The following ZNF215 variants were observed in gnomAD, a reference collection of about 807,000 sequenced individuals.
ZNF215 encodes the protein BWSCR2-associated zinc finger protein 2.
In ZNF215, 24 loss-of-function variants were observed where a neutral mutation model predicts 27.2. The observed-to-expected ratio is 0.88, with a 90% CI of 0.64 to 1.24. The LOEUF (loss-of-function observed/expected upper bound fraction) is 1.24. Ranked by LOEUF, ZNF215 falls within the 50% of genes most tolerant of loss-of-function variation. The probability of loss-of-function intolerance (pLI) is 0.00; values close to 1 mark genes in which losing one functional copy is unlikely to be tolerated. For synonymous variants in ZNF215, 210 were observed against 204.0 expected (o/e 1.03, Z -0.25); for missense variants, 675 against 605.7 (o/e 1.11, Z -1.20).
In ZNF215 at chr11:6,956,555, C is replaced by A; in HGVS notation, c.*24C>A. 1 of 1,534,866 alleles carries A rather than the reference C, an allele frequency of 6.5e-7. No individual in the cohort carries two copies. Among genetic ancestry groups the A allele is most frequent in the South Asian group, 1.3e-5 (1 of 76,774 alleles). Reference sequence around the variant, plus strand: ...GAAAAAAGAAAAAATGAAAGATTACCTTCAGTCAGAATGCAGAACTCATTT... The same window carrying A: ...GAAAAAAGAAAAAATGAAAGATTACATTCAGTCAGAATGCAGAACTCATTT... On this transcript the variant is annotated 3_prime_UTR_variant, in exon 7 of 7. Transcript: ENST00000278319.
chr11:6,990,300 T>C (rs2515950), downstream of ZNF215, among the ~76,000 whole-genome samples: 86,424 of 152,002 alleles, frequency 0.57, 24,890 homozygotes, highest in East Asian at 0.69. Context: ...GCCTTAACAA[T>C]GGTGAAGGGA....
At chr11:6,952,228 G>T (rs1482198785) in intron 6 of ZNF215, among the ~76,000 whole-genome samples, 1 of 152,284 alleles carries the variant, frequency 6.6e-6, no homozygotes, top group Non-Finnish European at 1.5e-5. Flanking sequence ...GGGCTGGAGA[G>T]TTCTGTAGAT....
chr11:6,960,437 A>C (rs2857899), downstream of ZNF215, among the ~76,000 whole-genome samples: 36,203 of 152,086 alleles, frequency 0.24, 4,667 homozygotes, highest in African/African-American at 0.33. Context: ...GGAAGAAAGG[A>C]GCTCCATAAC....
chr11:6,957,206 G>C lies in ZNF215; in HGVS notation c.*675G>C, dbSNP rs1850394738. 1 of 982,294 alleles carries C rather than the reference G, an allele frequency of 1.0e-6. No homozygotes were observed. The highest frequency in any genetic ancestry group is 1.7e-5 in the African/African-American group (1 of 57,160). 60.8% of individuals were successfully genotyped at this position (982,294 alleles called of 1,614,324 possible). On this transcript the variant is annotated 3_prime_UTR_variant, in exon 7 of 7. Transcript: ENST00000278319. ...GGTCCTTGAAAAATGTTTTTGTTTT[G>C]TTATAATGTTATAATTGTTATGATG...
chr11:6,949,960 G>C (rs1023096029), intron 6 of ZNF215, among the ~76,000 whole-genome samples: 8 of 152,178 alleles, frequency 5.3e-5, no homozygotes, highest in African/African-American at 1.9e-4. Context: ...TGGCTAGCCA[G>C]ATTTCCCAGC....
chr11:6,954,224 G>C (rs567027567), intron 6 of ZNF215, among the ~76,000 whole-genome samples: 3 of 152,212 alleles, frequency 2.0e-5, no homozygotes, highest in Non-Finnish European at 2.9e-5. Context: ...CCCGTTCTCA[G>C]ATCTCCAGCT....
intron 2 of ZNF215, among the ~76,000 whole-genome samples, chr11:6,928,287 ATAC>A (rs1419553747): frequency 6.6e-5 from 10 of 152,208 alleles, no homozygotes; most frequent in Admixed American, 6.5e-4. Flanking sequence ...TATATCCACT[ATAC>A]TATTACTTTT....
chr11:6,976,464 T>C (rs1002035387), intron 5 of ZNF215, among the ~76,000 whole-genome samples: 3 of 152,024 alleles, frequency 2.0e-5, no homozygotes, highest in African/African-American at 7.2e-5. Context: ...AGCGCCTACA[T>C]TGAGTCCAGA....
At position 6,957,281 on chromosome 11, in the gene ZNF215, C is replaced by A; in HGVS notation, c.*750C>A. On this transcript the variant is annotated 3_prime_UTR_variant, in exon 7 of 7. Transcript: ENST00000278319. The stretch of plus-strand genomic sequence containing the variant: ...AGCCAGGGACACTGTGTGGAGTTCG[C>A]ACACTCTCCCTATGTCTCCGGGTGC... 1.4e-6 allele frequency: 1 copy of A among 718,752 alleles called. No individual in the cohort carries two copies. The highest frequency in any genetic ancestry group is 1.7e-6 in the Non-Finnish European group (1 of 586,640). 44.5% of individuals were successfully genotyped at this position (718,752 alleles called of 1,614,324 possible).
chr11:6,952,823 G>C (rs7117654), intron 6 of ZNF215, among the ~76,000 whole-genome samples: 149,974 of 152,000 alleles, frequency 0.99, 74,012 homozygotes, highest in Middle Eastern at 1. Flanking sequence ...CAGTTTCTTC[G>C]TAGCCTCGAT....
downstream of ZNF215, chr11:6,958,100 C>T: frequency 1.0e-6 from 1 of 972,060 alleles, no homozygotes; most frequent in Non-Finnish European, 1.2e-6. Context: ...CAAAGCCCTA[C>T]ATAAGTAATT....
In ZNF215 at chr11:6,958,021, C is replaced by T. The variant is rs899332863; in HGVS notation, c.*1490C>T. On this transcript the variant is annotated 3_prime_UTR_variant, in exon 7 of 7. Transcript: ENST00000278319. The stretch of plus-strand genomic sequence containing the variant: ...CAGAAAAGGTATACTGGAGTGAACT[C>T]CTATGATTAAATAATGTCAAAATCT... 8 of 985,216 alleles carry T rather than the reference C, an allele frequency of 8.1e-6. No homozygotes were observed. Among genetic ancestry groups the T allele is most frequent in the Non-Finnish European group, 9.6e-6 (8 of 829,910 alleles). The allele number at this position is 985,216 out of a possible 1,614,324, so 61.0% of individuals were successfully genotyped here.
At chr11:6,989,150 CAAAAAAAAAAA>C (rs71056776), downstream of ZNF215, among the ~76,000 whole-genome samples, 3 of 76,784 alleles carry the variant, frequency 3.9e-5, no homozygotes, top group Admixed American at 1.6e-4. Flanking sequence ...AGATCCGTCT[CAAAAAAAAAAA>C]AAAAAAAAAA....
intron 6 of ZNF215, 67 bp downstream of exon 6, chr11:6,943,708 C>T (rs902202562): frequency 2.5e-6 from 3 of 1,217,278 alleles, no homozygotes; most frequent in Middle Eastern, 1.9e-4. Context: ...AGACAATGTG[C>T]AACCCAATCT....
rs370822944 is a variant in ZNF215, at chr11:6,971,792, ATAAAGT to A, written c.806-12332_806-12327del. 8.0e-3 allele frequency among the ~76,000 whole-genome samples: 1,217 copies of A among 152,266 alleles called. 15 individuals are homozygous for A. The highest frequency in any genetic ancestry group is 0.028 in the African/African-American group (1,167 of 41,554). On this transcript the variant is annotated intron_variant, in intron 5 of 5. Coordinates refer to the ZNF215 transcript ENST00000529903. Reference sequence around the variant, plus strand: ...AAAATTTATCATCGAAACCATAGACATAAAGTTAAAACAACATTTAGCAAGAACTCA... The same window carrying A: ...AAAATTTATCATCGAAACCATAGACATAAAACAACATTTAGCAAGAACTCA...
intron 4 of ZNF215, 98 bp from the exon 5 acceptor site, chr11:6,942,985 T>G: frequency 6.7e-7 from 1 of 1,486,346 alleles, no homozygotes; most frequent in Non-Finnish European, 9.0e-7. Flanking sequence ...CAATTTCTGG[T>G]GTATTCTGGC....
intron 6 of ZNF215, 68 bp downstream of exon 6, chr11:6,943,709 A>G (rs1849715775): frequency 8.2e-7 from 1 of 1,215,920 alleles, no homozygotes; most frequent in East Asian, 2.3e-5. Flanking sequence ...GACAATGTGC[A>G]ACCCAATCTT....
chr11:6,979,337 AAT>A (rs2133350715), intron 5 of ZNF215, among the ~76,000 whole-genome samples: 2 of 7,548 alleles, frequency 2.6e-4, no homozygotes, highest in Non-Finnish European at 6.7e-4. Context: ...CAGTAATAAT[AAT>A]AATGATTGTG....
At chr11:6,933,883 C>T (rs1849351243) in intron 3 of ZNF215, among the ~76,000 whole-genome samples, 1 of 150,660 alleles carries the variant, frequency 6.6e-6, no homozygotes, top group Non-Finnish European at 1.5e-5. Flanking sequence ...CGTGATAATA[C>T]CATGTGTAAA....
Sources: allele counts gnomAD v4.1 joint callset (sites outside exome capture counted in the v4.1 genomes callset), GRCh38; gene constraint gnomAD v4.1.1; transcripts MANE v1.5; gene names NCBI Gene and HGNC (gene_info 2026-07-23, HGNC 2026-07-21).